Variants in MAP4K3 observed in about 807,000 individuals in gnomAD.
MAP4K3 encodes MAPK/ERK kinase kinase kinase 3.
In MAP4K3, 94 loss-of-function variants were observed where a neutral mutation model predicts 143.5. The ratio of observed to expected loss-of-function variants is 0.65; its 90% CI spans 0.55 to 0.78. MAP4K3 has a LOEUF of 0.78. MAP4K3 is among the 30% of genes least tolerant of loss of function. The probability of loss-of-function intolerance (pLI) is 0.00; values close to 1 mark genes in which losing one functional copy is unlikely to be tolerated. For missense variants in MAP4K3, 1,077 were observed against 1,068.1 expected (o/e 1.01, Z -0.12); for synonymous variants, 416 against 347.2 (o/e 1.20, Z -2.20).
At chr2:39,363,582 T>A (rs528911956) in intron 2 of MAP4K3, among the ~76,000 whole-genome samples, 1 of 148,630 alleles carries the variant, frequency 6.7e-6, no homozygotes, top group African/African-American at 2.5e-5. Flanking sequence ...GGTGGGAGAA[T>A]TGCTTGAACC....
chr2:39,409,297 T>C (rs1235608408), intron 1 of MAP4K3, among the ~76,000 whole-genome samples: 1 of 152,256 alleles, frequency 6.6e-6, no homozygotes, highest in African/African-American at 2.4e-5. Context: ...AGACCTCTGG[T>C]CAACAGTAGA....
rs75968142 is a variant in MAP4K3 at position 39,422,992 on chromosome 2, G to A, written c.96+13900C>T. Reference sequence around the variant, plus strand: ...CATTGTTAAGAGAATGAAAAGACAAGCCACACACTGGGAAAAAATACTGCA... The same window carrying A: ...CATTGTTAAGAGAATGAAAAGACAAACCACACACTGGGAAAAAATACTGCA... On this transcript the variant is annotated intron_variant, in intron 1 of 33. Coordinates refer to ENST00000263881, the MANE Select transcript of MAP4K3 (RefSeq NM_003618.4). Among the ~76,000 whole-genome samples, 37 of 152,120 alleles carry A rather than the reference G, an allele frequency of 2.4e-4. No individual in the cohort carries two copies. The East Asian group carries it at 6.4e-3, about 26-fold the overall frequency.
intron 20 of MAP4K3, among the ~76,000 whole-genome samples, chr2:39,287,794 C>T (rs866658688): frequency 4.6e-5 from 7 of 152,260 alleles, no homozygotes; most frequent in South Asian, 4.1e-4. Context: ...GTAACCTAGA[C>T]GCAAAACACA....
At chr2:39,349,928 G>GT (rs1665405128) in intron 3 of MAP4K3, among the ~76,000 whole-genome samples, 1 of 152,080 alleles carries the variant, frequency 6.6e-6, no homozygotes, top group South Asian at 2.1e-4. Context: ...GTAAAGGAAC[G>GT]TATCTGTAAC....
chr2:39,348,802 T>C (rs777676550), intron 3 of MAP4K3, among the ~76,000 whole-genome samples: 4 of 152,182 alleles, frequency 2.6e-5, no homozygotes, highest in East Asian at 1.9e-4. Context: ...TACCAGAGCA[T>C]ACAGGGACCA....
At chr2:39,392,877 T>C (rs150006104) in intron 1 of MAP4K3, among the ~76,000 whole-genome samples, 69 of 152,342 alleles carry the variant, frequency 4.5e-4, no homozygotes, top group African/African-American at 1.6e-3. Context: ...GCCATCGCCA[T>C]GCTCTTGGAC....
In MAP4K3 at chr2:39,325,824, G is replaced by C. The variant is rs1434564363; in HGVS notation, c.726-13C>G. 2 of 1,588,900 alleles carry C rather than the reference G, an allele frequency of 1.3e-6. No homozygotes were observed. Among genetic ancestry groups the C allele is most frequent in the East Asian group, 4.5e-5 (2 of 44,596 alleles). ...AAAACTATTTGACCTAAGAAATTTA[G>C]AAAATTAGACTTTTACATTCCAATT... On this transcript the variant is annotated splice_polypyrimidine_tract_variant and intron_variant, in intron 10 of 33. Transcript: ENST00000263881.
At chr2:39,268,362 C>T (rs938296952) in intron 26 of MAP4K3, among the ~76,000 whole-genome samples, 1 of 152,024 alleles carries the variant, frequency 6.6e-6, no homozygotes, top group Non-Finnish European at 1.5e-5. Context: ...GCTCTGTCGC[C>T]CAGGCTGGAG....
intron 21 of MAP4K3, among the ~76,000 whole-genome samples, chr2:39,284,306 C>T (rs964265794): frequency 1.3e-5 from 2 of 151,892 alleles, no homozygotes; most frequent in African/African-American, 2.4e-5. Flanking sequence ...AGATTACAGG[C>T]GCCTGCCACC....
chr2:39,325,874 A>C (rs1558647827), intron 10 of MAP4K3, 25 bp downstream of exon 10: 1 of 1,565,104 alleles, frequency 6.4e-7, no homozygotes. Context: ...CTCACCATAA[A>C]AGTAAATAAC....
chr2:39,278,491 A>C lies in MAP4K3; in HGVS notation c.1715-5T>G, dbSNP rs753765211. The stretch of plus-strand genomic sequence containing the variant: ...CACCAAATATCAAGTACTGATCTGA[A>C]ATAAAAGTAATTCACTGACTGATTT... On this transcript the variant is annotated splice_region_variant and splice_polypyrimidine_tract_variant and intron_variant, in intron 23 of 33. Coordinates refer to ENST00000263881, the MANE Select transcript of MAP4K3 (RefSeq NM_003618.4). 2 of 1,508,688 alleles carry C rather than the reference A, an allele frequency of 1.3e-6. No homozygotes were observed. Among genetic ancestry groups the C allele is most frequent in the Non-Finnish European group, 1.8e-6 (2 of 1,104,328 alleles). The allele number at this position is 1,508,688 out of a possible 1,614,324, so 93.5% of individuals were successfully genotyped here. A position where few individuals can be genotyped will look rare whatever the true frequency, so the allele number is the denominator to read the frequency against.
At chr2:39,374,247 T>C (rs1433971127) in intron 2 of MAP4K3, among the ~76,000 whole-genome samples, 1 of 152,140 alleles carries the variant, frequency 6.6e-6, no homozygotes, top group Non-Finnish European at 1.5e-5. Flanking sequence ...CCAGGCATGG[T>C]GGTGCATGCC....
At chr2:39,359,327 T>C (rs1415103938) in intron 2 of MAP4K3, among the ~76,000 whole-genome samples, 1 of 152,170 alleles carries the variant, frequency 6.6e-6, no homozygotes, top group Admixed American at 6.5e-5. Context: ...ATGTCTCACA[T>C]CCAGGTCATG....
At chr2:39,293,052 G>A (rs1489908402) in intron 17 of MAP4K3, among the ~76,000 whole-genome samples, 178 bp downstream of exon 17, 1 of 152,102 alleles carries the variant, frequency 6.6e-6, no homozygotes, top group Non-Finnish European at 1.5e-5. Flanking sequence ...AGGAGTTCAA[G>A]GCTGCAGTGA....
intron 12 of MAP4K3, among the ~76,000 whole-genome samples, chr2:39,322,629 TATAG>T (rs1225344019): frequency 3.3e-5 from 5 of 151,312 alleles, no homozygotes; most frequent in African/African-American, 1.2e-4. Flanking sequence ...TATATGTATA[TATAG>T]ATAAATACAC....
At chr2:39,351,858 T>A (rs1447715744) in intron 3 of MAP4K3, among the ~76,000 whole-genome samples, 1 of 152,090 alleles carries the variant, frequency 6.6e-6, no homozygotes, top group Non-Finnish European at 1.5e-5. Context: ...TTAATAGAGA[T>A]GGGAGTTTTG....
chr2:39,368,170 T>G (rs1481999871), intron 2 of MAP4K3, among the ~76,000 whole-genome samples: 1 of 152,152 alleles, frequency 6.6e-6, no homozygotes, highest in Admixed American at 6.5e-5. Flanking sequence ...TCGCGCCCCC[T>G]GCCTACTAAA....
intron 1 of MAP4K3, among the ~76,000 whole-genome samples, chr2:39,435,979 T>C (rs541681151): frequency 6.6e-6 from 1 of 152,336 alleles, no homozygotes; most frequent in Admixed American, 6.5e-5. Flanking sequence ...AGTTTCTTTG[T>C]GCATCCTCAG....
intron 1 of MAP4K3, among the ~76,000 whole-genome samples, chr2:39,383,423 C>CA (rs397933877): frequency 1.3e-5 from 2 of 151,544 alleles, no homozygotes; most frequent in Non-Finnish European, 2.9e-5. Flanking sequence ...CAATTACCTC[C>CA]ACCAGGTTCC....
Sources: gnomAD v4.1 joint callset for allele counts (sites outside exome capture counted in the v4.1 genomes callset) on GRCh38, gnomAD v4.1.1 for gene constraint, MANE v1.5 for transcripts, NCBI Gene and HGNC (gene_info 2026-07-23, HGNC 2026-07-21) for gene names.